Variants in LTA4H observed in about 807,000 individuals in gnomAD.
The protein encoded by LTA4H is leukotriene A4 hydrolase.
LTA4H carries 59 observed loss-of-function variants against 89.8 expected under a neutral mutation model. The observed-to-expected ratio is 0.66, with a 90% CI of 0.53 to 0.82. LTA4H has a LOEUF of 0.82. Among genes scored for constraint, LTA4H ranks in the 40% least tolerant of loss-of-function variants. LTA4H has a pLI of 0.00. For synonymous variants in LTA4H, 227 were observed against 253.1 expected (o/e 0.90, Z 0.98); for missense variants, 617 against 727.0 (o/e 0.85, Z 1.74).
upstream of LTA4H, among the ~76,000 whole-genome samples, chr12:96,040,321 T>G (rs1950678537): frequency 6.6e-6 from 1 of 152,194 alleles, no homozygotes; most frequent in Admixed American, 6.5e-5. Context: ...AGGTTATACA[T>G]CTGGCATGAT....
At chr12:96,016,548 CA>C (rs1361062463) in intron 10 of LTA4H, among the ~76,000 whole-genome samples, 12 of 150,028 alleles carry the variant, frequency 8.0e-5, no homozygotes, top group Admixed American at 8.0e-4. Context: ...TTGCAGTTAG[CA>C]GAGATTGCAC....
Position 96,002,816 on chromosome 12 carries a change from A to G in LTA4H, c.1718+144T>C, listed in dbSNP as rs942805835. On this transcript the variant is annotated intron_variant, in intron 18 of 18. Coordinates refer to ENST00000228740, the MANE Select transcript of LTA4H (RefSeq NM_000895.3). ...AAATTATTTCACATTTTAAATATTT[A>G]TAAGTGTGAATCCCTATTCCAAAAT... 4 of 597,394 alleles carry G rather than the reference A, an allele frequency of 6.7e-6. No individual in the cohort carries two copies. In the African/African-American group the frequency reaches 7.4e-5, roughly 11 times the overall value. The allele number at this position is 597,394 out of a possible 1,614,324, so 37.0% of individuals were successfully genotyped here. A position where few individuals can be genotyped will look rare whatever the true frequency, so the allele number is the denominator to read the frequency against.
chr12:96,024,364 T>A lies in LTA4H; in HGVS notation c.480+115A>T, dbSNP rs1950488304. The A allele has an allele frequency of 3.4e-5, 20 of 594,662 alleles. 1 individual carries two copies. The South Asian group carries it at 4.8e-4, about 14-fold the overall frequency. The allele number at this position is 594,662 out of a possible 1,614,324, so 36.8% of individuals were successfully genotyped here. A position where few individuals can be genotyped will look rare whatever the true frequency, so the allele number is the denominator to read the frequency against. On this transcript the variant is annotated intron_variant, in intron 4 of 18. Transcript: ENST00000228740. ...TTTGTTTACATATTTCAGGTAGAATTTCATTAAGAAAAATAATTCTAGCTC... is the reference window on the plus strand; with the variant it reads ...TTTGTTTACATATTTCAGGTAGAATATCATTAAGAAAAATAATTCTAGCTC...
rs758322633 is a variant in LTA4H, at chr12:96,013,856, A to G, written c.1205-3T>C. The G allele has an allele frequency of 7.9e-7, 1 of 1,258,576 alleles. No individual in the cohort carries two copies. The highest frequency in any genetic ancestry group is 1.1e-6 in the Non-Finnish European group (1 of 879,426). The allele number at this position is 1,258,576 out of a possible 1,614,324, so 78.0% of individuals were successfully genotyped here. A position where few individuals can be genotyped will look rare whatever the true frequency, so the allele number is the denominator to read the frequency against. On this transcript the variant is annotated splice_polypyrimidine_tract_variant and splice_region_variant and intron_variant, in intron 12 of 18. Coordinates refer to ENST00000228740, the MANE Select transcript of LTA4H (RefSeq NM_000895.3). The stretch of plus-strand genomic sequence containing the variant: ...TTTTAAGAATCCTAGGAAAATCTCT[A>G]AGAGTAAAAAAGAAAAGAAATCAAT...
rs1421889112 is a variant in LTA4H, at chr12:96,019,222, A to G, written c.657T>C (p.Thr219=). 6.2e-7 allele frequency: 1 copy of G among 1,611,366 alleles called. No individual in the cohort carries two copies. Among genetic ancestry groups the G allele is most frequent in the African/African-American group, 1.3e-5 (1 of 74,722 alleles). Residue 219 remains threonine, a synonymous_variant, in exon 7 of 19, where the codon ACT becomes ACC. Transcript: ENST00000228740. The part of the protein sequence containing the change: ...ALESRQIGPR[T]LVWSEKEQVE... Reference sequence around the variant, plus strand: ...CCTGCTCTTTCTCAGACCACACCAAAGTTCTTGGGCCAATTTGCCTGCAAG... The same window carrying G: ...CCTGCTCTTTCTCAGACCACACCAAGGTTCTTGGGCCAATTTGCCTGCAAG...
At chr12:96,015,802 G>T in intron 10 of LTA4H, 108 bp from the exon 11 acceptor site, 1 of 731,094 alleles carries the variant, frequency 1.4e-6, no homozygotes, top group Non-Finnish European at 2.3e-6. Context: ...CAGTTGTAAG[G>T]CATGACCACT....
chr12:96,041,835 G>T (rs1247906468), intron 1 of LTA4H, among the ~76,000 whole-genome samples: 1 of 151,984 alleles, frequency 6.6e-6, no homozygotes, highest in Middle Eastern at 3.2e-3. Flanking sequence ...TAGAGATGGG[G>T]TTTCACCGTG....
chr12:96,030,162 T>C (rs2136915860), intron 1 of LTA4H, among the ~76,000 whole-genome samples: 1 of 152,338 alleles, frequency 6.6e-6, no homozygotes, highest in Admixed American at 6.5e-5. Flanking sequence ...AACCCCTTCC[T>C]TCACTTCTTT....
At chr12:96,017,168 C>A in intron 9 of LTA4H, 54 bp from the exon 10 acceptor site, 1 of 1,205,638 alleles carries the variant, frequency 8.3e-7, no homozygotes, top group Non-Finnish European at 1.2e-6. Context: ...CCTAAAATAA[C>A]CCATTCTACT....
chr12:96,017,220 G>T, intron 9 of LTA4H, 106 bp from the exon 10 acceptor site: 1 of 816,806 alleles, frequency 1.2e-6, no homozygotes, highest in Non-Finnish European at 2.0e-6. Flanking sequence ...AATATTAGCT[G>T]AGATATTCAG....
At chr12:96,019,042 C>G (rs1950419385) in intron 7 of LTA4H, 126 bp downstream of exon 7, 2 of 1,127,530 alleles carry the variant, frequency 1.8e-6, no homozygotes, top group Admixed American at 2.5e-5. Flanking sequence ...AATGTAGCAA[C>G]TACACATCTA....
At chr12:96,004,608 T>C (rs1375888556) in intron 16 of LTA4H, among the ~76,000 whole-genome samples, 1 of 152,180 alleles carries the variant, frequency 6.6e-6, no homozygotes, top group Admixed American at 6.5e-5. Flanking sequence ...AGAGAGTTTG[T>C]AGTGCCTGTG....
chr12:96,027,070 T>G (rs1161807815), intron 3 of LTA4H, among the ~76,000 whole-genome samples: 1 of 152,236 alleles, frequency 6.6e-6, no homozygotes, highest in Non-Finnish European at 1.5e-5. Context: ...AATTAAATCT[T>G]TCACTTTCCA....
chr12:96,037,896 T>C (rs1434565509), upstream of LTA4H, among the ~76,000 whole-genome samples: 3 of 152,070 alleles, frequency 2.0e-5, no homozygotes, highest in African/African-American at 7.2e-5. Context: ...TTCACCGTGT[T>C]AGCCAGGATG....
At chr12:96,016,564 G>T (rs1256080216) in intron 10 of LTA4H, among the ~76,000 whole-genome samples, 1 of 151,648 alleles carries the variant, frequency 6.6e-6, no homozygotes, top group East Asian at 2.0e-4. Flanking sequence ...TTGCACCACT[G>T]CACTACAGCC....
At chr12:96,002,144 A>T (rs1168943687) in intron 18 of LTA4H, among the ~76,000 whole-genome samples, 1 of 152,210 alleles carries the variant, frequency 6.6e-6, no homozygotes, top group Non-Finnish European at 1.5e-5. Flanking sequence ...GGCGTGAGCC[A>T]CCGCGCCCGG....
At position 96,017,711 on chromosome 12, in the gene LTA4H, G is replaced by C. The variant is rs1175514638; in HGVS notation, c.853-131C>G. 57 of 531,370 alleles carry C rather than the reference G, an allele frequency of 1.1e-4. No individual in the cohort carries two copies. The East Asian group carries it at 1.3e-3, about 12-fold the overall frequency. The allele number at this position is 531,370 out of a possible 1,614,324, so 32.9% of individuals were successfully genotyped here. A position where few individuals can be genotyped will look rare whatever the true frequency, so the allele number is the denominator to read the frequency against. ...ATTTCTACTACAGCACTTCAAAGAA[G>C]GTAAAAGAGACCTTAATTGAAAAAA... On this transcript the variant is annotated intron_variant, in intron 8 of 18. Transcript: ENST00000228740.
chr12:96,020,511 CAG>C (rs1226344453), intron 6 of LTA4H, among the ~76,000 whole-genome samples: 1 of 152,060 alleles, frequency 6.6e-6, no homozygotes, highest in Non-Finnish European at 1.5e-5. Flanking sequence ...TTAATTGGTG[CAG>C]AGTTTCAGTT....
At chr12:96,026,150 A>G (rs577914602) in intron 3 of LTA4H, among the ~76,000 whole-genome samples, 5 of 152,282 alleles carry the variant, frequency 3.3e-5, no homozygotes, top group African/African-American at 1.2e-4. Flanking sequence ...TCTCTCCCAA[A>G]ATAGATTTCC....
Sources: gnomAD v4.1 joint callset for allele counts (sites outside exome capture counted in the v4.1 genomes callset) on GRCh38, gnomAD v4.1.1 for gene constraint, MANE v1.5 for transcripts, NCBI Gene and HGNC (gene_info 2026-07-23, HGNC 2026-07-21) for gene names.